PCDHGB4: variants seen among roughly 807,000 people sequenced by gnomAD.
The protein encoded by PCDHGB4 is protocadherin gamma subfamily B, 4, also known as protocadherin gamma-B4.
A neutral mutation model predicts 60.5 loss-of-function variants in PCDHGB4; 38 were observed. The observed-to-expected ratio is 0.63, with a 90% CI of 0.48 to 0.82. PCDHGB4 has a LOEUF of 0.82. PCDHGB4 is among the 40% of genes least tolerant of loss of function. The pLI, the probability that PCDHGB4 is intolerant of heterozygous loss-of-function variation, is 0.00. For synonymous variants in PCDHGB4, 456 were observed against 509.7 expected, an observed-to-expected ratio of 0.89 and a Z score of 1.42; for missense variants, 1,109 against 1,209.6, an observed-to-expected ratio of 0.92 and a Z score of 1.23.
intron 1 of PCDHGB4, chr5:141,410,823 C>CCAGACTGA (rs2095425464): frequency 2.1e-6 from 1 of 479,988 alleles, no homozygotes; most frequent in African/African-American, 2.5e-5. Flanking sequence ...AATAATGTCA[C>CCAGACTGA]CAGACTGAAG....
chr5:141,393,650 C>A, intron 1 of PCDHGB4: 1 of 1,613,906 alleles, frequency 6.2e-7, no homozygotes, highest in Non-Finnish European at 8.5e-7. Context: ...AAGTGGCATA[C>A]AAATTCCGGA....
intron 1 of PCDHGB4, among the ~76,000 whole-genome samples, chr5:141,465,038 G>T (rs1297185291): frequency 6.6e-6 from 1 of 151,642 alleles, no homozygotes; most frequent in Non-Finnish European, 1.5e-5. Flanking sequence ...CACCACAAAT[G>T]ACCCTATATA....
At position 141,476,356 on chromosome 5, in the gene PCDHGB4, C is replaced by T. The variant is rs757679991; in HGVS notation, c.2398-18451C>T. The stretch of plus-strand genomic sequence containing the variant: ...CTAGCCGAAGATTCTTTGAGGTGAA[C>T]CGGGAGACCGGAGAGATGTTTGTGA... On this transcript the variant is annotated intron_variant, in intron 1 of 3. Coordinates refer to ENST00000519479, the MANE Select transcript of PCDHGB4 (RefSeq NM_003736.4). This position sits in a 1 kb window ranked among gnomAD's most constrained non-coding sequence, Gnocchi z 7.6. 6 of 1,613,958 alleles carry T rather than the reference C, an allele frequency of 3.7e-6. No individual in the cohort carries two copies. The African/African-American group carries it at 4.0e-5, about 11-fold the overall frequency.
At position 141,489,072 on chromosome 5, in the gene PCDHGB4, A is replaced by AC; in HGVS notation, c.2398-5730dup. The AC allele has an allele frequency of 1.3e-5, 2 of 157,710 alleles. No homozygotes were observed. Among genetic ancestry groups the AC allele is most frequent in the Non-Finnish European group, 1.2e-5 (1 of 83,996 alleles). 9.8% of individuals were successfully genotyped at this position (157,710 alleles called of 1,614,324 possible). A position where few individuals can be genotyped will look rare whatever the true frequency, so the allele number is the denominator to read the frequency against. On this transcript the variant is annotated intron_variant, in intron 1 of 3. Transcript: ENST00000519479. This position sits in a 1 kb window ranked among gnomAD's most constrained non-coding sequence, Gnocchi z 4.5. The stretch of plus-strand genomic sequence containing the variant: ...AATTCAGCTCCCCTCCCCCCTGCCC[A>AC]CCCCCGCCACTCGGTGACTAAGAAC...
At position 141,491,150 on chromosome 5, in the gene PCDHGB4, A is replaced by G; in HGVS notation, c.2398-3657A>G. On this transcript the variant is annotated intron_variant, in intron 1 of 3. Coordinates refer to ENST00000519479, the MANE Select transcript of PCDHGB4 (RefSeq NM_003736.4). This position sits in a 1 kb window ranked among gnomAD's most constrained non-coding sequence, Gnocchi z 6.9. ...CGCACAGCCCGGGCCTTACTGGAGG[A>G]TGACTCTGACACCCAGCAGGTGGTG... is the stretch of plus-strand genomic sequence containing the variant. 1 of 1,614,122 alleles carries G rather than the reference A, an allele frequency of 6.2e-7. No individual in the cohort carries two copies. Among genetic ancestry groups the G allele is most frequent in the African/African-American group, 1.3e-5 (1 of 75,060 alleles).
intron 2 of PCDHGB4, among the ~76,000 whole-genome samples, chr5:141,495,702 T>G (rs1462896403): frequency 6.6e-6 from 1 of 152,212 alleles, no homozygotes; most frequent in African/African-American, 2.4e-5. Context: ...TCAATAAATG[T>G]GGAGTGAGTA....
At chr5:141,474,090 AAACAACAACAAAAAC>A (rs1459798801) in intron 1 of PCDHGB4, among the ~76,000 whole-genome samples, 1 of 152,206 alleles carries the variant, frequency 6.6e-6, no homozygotes, top group African/African-American at 2.4e-5. Flanking sequence ...ACCAAAAAAC[AAACAACAACAAAAAC>A]AACAACAACG....
chr5:141,415,750 T>G lies in PCDHGB4; in HGVS notation c.2397+25469T>G, dbSNP rs758016978. 309 of 1,313,170 alleles carry G rather than the reference T, an allele frequency of 2.4e-4. No individual in the cohort carries two copies. In the East Asian group the frequency reaches 2.9e-3, roughly 12 times the overall value. 81.3% of individuals were successfully genotyped at this position (1,313,170 alleles called of 1,614,324 possible). On this transcript the variant is annotated intron_variant, in intron 1 of 3. Coordinates refer to ENST00000519479, the MANE Select transcript of PCDHGB4 (RefSeq NM_003736.4). Reference sequence around the variant, plus strand: ...TTGATGTTTATTAAGGTTTTTTTTTTTTTTTTTTTTTTTTTTTTTTTTACT... The same window carrying G: ...TTGATGTTTATTAAGGTTTTTTTTTGTTTTTTTTTTTTTTTTTTTTTTACT...
rs371995922 is a variant in PCDHGB4 at position 141,395,132 on chromosome 5, C to T, written c.2397+4851C>T. ...AGAGTCACCTGATCTTTCCCCAGCC[C>T]AACTACGCAGACATGCTCATCAGTC... On this transcript the variant is annotated intron_variant, in intron 1 of 3. Transcript: ENST00000519479. 8.7e-6 allele frequency: 14 copies of T among 1,614,068 alleles called. No homozygotes were observed. The African/African-American group carries it at 1.6e-4, about 18-fold the overall frequency.
intron 1 of PCDHGB4, among the ~76,000 whole-genome samples, chr5:141,466,670 G>A (rs994949602): frequency 9.2e-5 from 14 of 152,046 alleles, no homozygotes; most frequent in African/African-American, 2.2e-4. Flanking sequence ...TGATTTCACC[G>A]TTCTTCCACT....
At chr5:141,494,648 T>G in intron 1 of PCDHGB4, 159 bp from the exon 2 acceptor site, 1 of 946,506 alleles carries the variant, frequency 1.1e-6, no homozygotes, top group Non-Finnish European at 1.3e-6. Flanking sequence ...ACCTGAGGTG[T>G]ATTTTGTCTT....
In PCDHGB4 at chr5:141,511,540, C is replaced by CTA; in HGVS notation, c.*367_*368insTA. ...ATCCCATGCCTCCCTCCTCCCCACC[C>CTA]CACTCCAACAGTTCCTCTTTCCCGA... On this transcript the variant is annotated 3_prime_UTR_variant, in exon 4 of 4. Transcript: ENST00000519479. 3.0e-6 allele frequency: 1 copy of CTA among 328,024 alleles called. No individual in the cohort carries two copies. Among genetic ancestry groups the CTA allele is most frequent in the South Asian group, 3.2e-5 (1 of 31,610 alleles). 20.3% of individuals were successfully genotyped at this position (328,024 alleles called of 1,614,324 possible). A position where few individuals can be genotyped will look rare whatever the true frequency, so the allele number is the denominator to read the frequency against.
intron 1 of PCDHGB4, among the ~76,000 whole-genome samples, chr5:141,449,281 G>A (rs1051064124): frequency 6.6e-6 from 1 of 151,946 alleles, no homozygotes; most frequent in Non-Finnish European, 1.5e-5. Context: ...TCCTTCACCC[G>A]GATGCACCGG....
chr5:141,443,223 A>G (rs2098374731), intron 1 of PCDHGB4, among the ~76,000 whole-genome samples: 1 of 152,044 alleles, frequency 6.6e-6, no homozygotes, highest in African/African-American at 2.4e-5. Flanking sequence ...AGGCGCATCT[A>G]TAATCTTAGC....
intron 1 of PCDHGB4, among the ~76,000 whole-genome samples, chr5:141,471,998 A>T (rs938492822): frequency 5.3e-5 from 8 of 152,276 alleles, no homozygotes; most frequent in South Asian, 2.1e-4. Context: ...AAATCCCTGC[A>T]TCGTATAGGG....
intron 1 of PCDHGB4, chr5:141,399,710 T>C: frequency 6.2e-7 from 1 of 1,613,346 alleles, no homozygotes; most frequent in South Asian, 1.1e-5. Flanking sequence ...GAACTCACAC[T>C]ACAGGCCCGC....
intron 1 of PCDHGB4, among the ~76,000 whole-genome samples, chr5:141,459,307 A>G (rs1175102009): frequency 6.6e-6 from 1 of 152,198 alleles, no homozygotes; most frequent in Non-Finnish European, 1.5e-5. Context: ...AACATATACT[A>G]TTTTGTATCC....
At chr5:141,399,382 A>G in intron 1 of PCDHGB4, 1 of 1,614,000 alleles carries the variant, frequency 6.2e-7, no homozygotes, top group Non-Finnish European at 8.5e-7. Context: ...TGTCACCATC[A>G]CAGCCACAGA....
intron 1 of PCDHGB4, chr5:141,492,055 G>C (rs1335131646): frequency 4.1e-6 from 2 of 493,506 alleles, no homozygotes; most frequent in Non-Finnish European, 7.1e-6. Flanking sequence ...CACCCCTGCA[G>C]CCAGCCTCCT....
Sources: gnomAD v4.1 joint callset for allele counts (sites outside exome capture counted in the v4.1 genomes callset) on GRCh38, gnomAD v4.1.1 for gene constraint, Gnocchi (gnomAD v3.1) non-coding constraint, MANE v1.5 for transcripts, NCBI Gene and HGNC (gene_info 2026-07-23, HGNC 2026-07-21) for gene names.